The following HTN3 variants were observed in gnomAD, a reference collection of about 807,000 sequenced individuals.
The protein encoded by HTN3 is histatin 3.
HTN3 carries 15 observed loss-of-function variants against 10.6 expected under a neutral mutation model. The observed-to-expected ratio is 1.42, with a 90% CI of 0.95 to 2.18. The LOEUF is 2.18. Ranked by LOEUF, HTN3 falls within the 30% of genes most tolerant of loss-of-function variation. The pLI, the probability that HTN3 is intolerant of heterozygous loss-of-function variation, is 0.00. For missense variants in HTN3, 68 were observed against 58.0 expected (o/e 1.17, Z -0.56); for synonymous variants, 15 against 16.9 (o/e 0.89, Z 0.27).
At chr4:70,031,302 C>T (rs1725376889) in intron 2 of HTN3, 1 of 154,372 alleles carries the variant, frequency 6.5e-6, no homozygotes. Context: ...TCATGAGTTC[C>T]CAGCTTGTAT....
rs781491404 is a variant in HTN3, at chr4:70,031,969, C to A, written c.52-10C>A. 6.5e-7 allele frequency: 1 copy of A among 1,532,506 alleles called. No individual in the cohort carries two copies. The allele number at this position is 1,532,506 out of a possible 1,614,324, so 94.9% of individuals were successfully genotyped here. On this transcript the variant is annotated splice_polypyrimidine_tract_variant and intron_variant, in intron 2 of 5. Coordinates refer to ENST00000673563, the MANE Select transcript of HTN3 (RefSeq NM_000200.3). The stretch of plus-strand genomic sequence containing the variant: ...ATATTAATTATTTTCTCATTTTCTT[C>A]TTTTCCAAGGGAGCTGATTCACATG...
intron 5 of HTN3, among the ~76,000 whole-genome samples, chr4:70,035,936 G>T (rs4694040): frequency 6.6e-6 from 1 of 152,198 alleles, no homozygotes; most frequent in South Asian, 2.1e-4. Flanking sequence ...TTAATCAGGG[G>T]AGGATATAGG....
chr4:70,032,076 A>G lies in HTN3; in HGVS notation c.73-2A>G, dbSNP rs1725394329. The G allele has an allele frequency of 1.3e-6, 2 of 1,535,636 alleles. No individual in the cohort carries two copies. The highest frequency in any genetic ancestry group is 1.8e-6 in the Non-Finnish European group (2 of 1,115,518). On this transcript the variant is annotated splice_acceptor_variant, in intron 3 of 5. Transcript: ENST00000673563. LOFTEE classifies it high-confidence loss of function. ...TTTTAATCTTTTCTTTTTATTTCATAGAGACATCATGGGTATAAAAGAAAA... is the reference window on the plus strand; with the variant it reads ...TTTTAATCTTTTCTTTTTATTTCATGGAGACATCATGGGTATAAAAGAAAA...
chr4:70,031,891 C>CATAA, intron 2 of HTN3, 88 bp from the exon 3 acceptor site: 1 of 921,138 alleles, frequency 1.1e-6, no homozygotes, highest in Non-Finnish European at 1.7e-6. Flanking sequence ...TCTATTTAAT[C>CATAA]ATAAATGTGG....
intron 5 of HTN3, chr4:70,034,424 G>A (rs375127715): frequency 7.9e-5 from 12 of 152,324 alleles, no homozygotes; most frequent in African/African-American, 2.6e-4. Flanking sequence ...CTCAGAAGAA[G>A]ACATTTATGT....
At chr4:70,033,488 G>A (rs1288294371) in intron 5 of HTN3, 2 of 285,560 alleles carry the variant, frequency 7.0e-6, no homozygotes, top group Non-Finnish European at 1.3e-5. Context: ...TTTGGTACCG[G>A]TACCATGCTG....
At chr4:70,032,339 T>A (rs762666112) in intron 4 of HTN3, among the ~76,000 whole-genome samples, 1 of 152,052 alleles carries the variant, frequency 6.6e-6, no homozygotes, top group Non-Finnish European at 1.5e-5. Context: ...TTTCAATTAT[T>A]CTTTGAGAGC....
chr4:70,033,003 A>G (rs1725424417), intron 4 of HTN3, among the ~76,000 whole-genome samples, 164 bp from the exon 5 acceptor site: 1 of 152,128 alleles, frequency 6.6e-6, no homozygotes, highest in Admixed American at 6.5e-5. Context: ...ATTTTTCTGA[A>G]AGAAGAAAAA....
chr4:70,033,180 C>T lies in HTN3; in HGVS notation c.116C>T (p.Ser39Leu), dbSNP rs1725428041. ...YKRKFHEKHH[S>L]HRGYRSNYLY... ...GTGTGTATGCAGGAAAAGCATCATT[C>T]ACATCGAGGCTATAGATCAAATTAT... The change falls in exon 5 of 6, where the codon TCA (serine) becomes TTA (leucine). Residue 39 changes from serine (S) to leucine (L), a missense_variant. Transcript: ENST00000673563. 3 of 1,606,278 alleles carry T rather than the reference C, an allele frequency of 1.9e-6. No homozygotes were observed. In the South Asian group the frequency reaches 3.3e-5, roughly 18 times the overall value.
intron 4 of HTN3, among the ~76,000 whole-genome samples, chr4:70,032,480 T>A (rs1051867454): frequency 3.9e-5 from 6 of 152,066 alleles, no homozygotes; most frequent in African/African-American, 1.2e-4. Context: ...TAATGTGGTT[T>A]CTATCTTATA....
At chr4:70,030,312 T>G (rs373004520) in intron 1 of HTN3, among the ~76,000 whole-genome samples, 1 of 152,158 alleles carries the variant, frequency 6.6e-6, no homozygotes, top group Admixed American at 6.6e-5. Context: ...TAATTCCAAA[T>G]TAGAGCACTC....
chr4:70,029,453 G>A (rs1312868844), intron 1 of HTN3, among the ~76,000 whole-genome samples: 2 of 151,962 alleles, frequency 1.3e-5, no homozygotes, highest in African/African-American at 4.8e-5. Context: ...GAGATGTAGG[G>A]CTGTTTAAGA....
chr4:70,031,899 T>C (rs1560426689), intron 2 of HTN3, 80 bp from the exon 3 acceptor site: 2 of 974,724 alleles, frequency 2.1e-6, no homozygotes, highest in East Asian at 2.6e-5. Flanking sequence ...ATCATAAATG[T>C]GGCTAAGTCA....
intron 4 of HTN3, among the ~76,000 whole-genome samples, chr4:70,032,938 C>G (rs1314911101): frequency 6.6e-6 from 1 of 152,004 alleles, no homozygotes; most frequent in Non-Finnish European, 1.5e-5. Context: ...TTTATTATTG[C>G]CACAAAAATA....
At chr4:70,033,481 G>C (rs1476065869) in intron 5 of HTN3, 1 of 344,752 alleles carries the variant, frequency 2.9e-6, no homozygotes, top group Non-Finnish European at 5.2e-6. Flanking sequence ...TGTCTGTTTT[G>C]GTACCGGTAC....
At chr4:70,031,945 T>A (rs368070858) in intron 2 of HTN3, 34 bp from the exon 3 acceptor site, 10 of 1,401,312 alleles carry the variant, frequency 7.1e-6, no homozygotes, top group Non-Finnish European at 1.0e-5. Flanking sequence ...GAAATTAAGA[T>A]ATTAATTATT....
intron 1 of HTN3, among the ~76,000 whole-genome samples, chr4:70,029,084 G>C (rs1447295255): frequency 6.6e-6 from 1 of 151,774 alleles, no homozygotes; most frequent in East Asian, 1.9e-4. Context: ...AGAAAAGACA[G>C]TTTATTATTC....
intron 2 of HTN3, 54 bp downstream of exon 2, chr4:70,030,845 T>C (rs1725368716): frequency 7.7e-7 from 1 of 1,305,878 alleles, no homozygotes; most frequent in East Asian, 2.3e-5. Context: ...ATCCCAAGGA[T>C]CTTTCTTATT....
intron 5 of HTN3, chr4:70,033,605 G>A (rs1456293475): frequency 6.4e-6 from 1 of 155,842 alleles, no homozygotes; most frequent in African/African-American, 2.4e-5. Flanking sequence ...CTCTTCTGTA[G>A]ATAATTATGA....
Sources: allele counts gnomAD v4.1 joint callset (sites outside exome capture counted in the v4.1 genomes callset), GRCh38; gene constraint gnomAD v4.1.1; transcripts MANE v1.5; gene names NCBI Gene and HGNC (gene_info 2026-07-23, HGNC 2026-07-21).